Variants in MYO18B observed in about 807,000 individuals in gnomAD.
MYO18B encodes myosin XVIIIB, also known as unconventional myosin-XVIIIb.
In MYO18B, 204 loss-of-function variants were observed where a neutral mutation model predicts 273.0. The ratio of observed to expected loss-of-function variants is 0.75; its 90% CI spans 0.67 to 0.84. The LOEUF (loss-of-function observed/expected upper bound fraction) is 0.84. Among genes scored for constraint, MYO18B ranks in the 40% least tolerant of loss-of-function variants. The pLI is 0.00. For missense variants in MYO18B, 3,212 were observed against 3,287.6 expected, an observed-to-expected ratio of 0.98 and a Z score of 0.56; for synonymous variants, 1,330 against 1,305.7, an observed-to-expected ratio of 1.02 and a Z score of -0.40.
intron 6 of MYO18B, among the ~76,000 whole-genome samples, chr22:25,771,887 G>T (rs141302076): frequency 0.01 from 1,547 of 152,332 alleles, 17 homozygotes; most frequent in Middle Eastern, 0.054. Flanking sequence ...GACCAGTGAG[G>T]TGGTTTGGCC....
chr22:25,890,849 G>T lies in MYO18B; in HGVS notation c.4408G>T (p.Ala1470Ser). The change falls in exon 26 of 44, where the codon GCC becomes TCC. Residue 1470 changes from alanine to serine, a missense_variant. Coordinates refer to ENST00000335473, the MANE Select transcript of MYO18B (RefSeq NM_032608.7). ...GAGTGAGCGGGCAGAGCGGCTACAG[G>T]CCTTCCGGGAGGTCCAGGAGCTCAA... ...LESERAERLQAFREVQELKSK... is the reference protein window; with the variant it reads ...LESERAERLQSFREVQELKSK... The T allele has an allele frequency of 6.2e-7, 1 of 1,613,894 alleles. No individual in the cohort carries two copies. The highest frequency in any genetic ancestry group is 8.5e-7 in the Non-Finnish European group (1 of 1,179,872).
chr22:26,045,802 A>T, the MYO18B span, among the ~76,000 whole-genome samples: 782 of 152,382 alleles, frequency 5.1e-3, 6 homozygotes, highest in African/African-American at 0.016. Flanking sequence ...GGTCCCAGCG[A>T]AGACCAGCAG....
At position 25,836,770 on chromosome 22, in the gene MYO18B, G is replaced by A. The variant is rs866031151; in HGVS notation, c.3208+1327G>A. Among the ~76,000 whole-genome samples, 7 of 152,146 alleles carry A rather than the reference G, an allele frequency of 4.6e-5. No homozygotes were observed. In the South Asian group the frequency reaches 1.5e-3, roughly 32 times the overall value. ...GAGGTCAGGAGTTTGAGACCAGCAT[G>A]GCCAACGTGGTGAAACCCCATCTCT... On this transcript the variant is annotated intron_variant, in intron 17 of 43. Transcript: ENST00000335473.
At chr22:25,998,424 T>C (rs974327331) in intron 40 of MYO18B, among the ~76,000 whole-genome samples, 12 of 152,166 alleles carry the variant, frequency 7.9e-5, no homozygotes, top group African/African-American at 2.9e-4. Flanking sequence ...TGCTCTTGGG[T>C]CGGCTGAAAG....
intron 34 of MYO18B, 72 bp downstream of exon 34, chr22:25,921,481 T>C: frequency 6.6e-7 from 1 of 1,520,998 alleles, no homozygotes; most frequent in South Asian, 1.3e-5. Context: ...TTGCTGTCCC[T>C]CCCAGGTATG....
intron 19 of MYO18B, 95 bp from the exon 20 acceptor site, chr22:25,847,335 C>T (rs2146021580): frequency 1.7e-6 from 2 of 1,159,274 alleles, no homozygotes; most frequent in African/African-American, 3.1e-5. Flanking sequence ...CCCAAAGATG[C>T]TCAGGTTGGG....
intron 31 of MYO18B, among the ~76,000 whole-genome samples, chr22:25,904,416 A>T (rs2091999179): frequency 6.6e-6 from 1 of 152,156 alleles, no homozygotes; most frequent in African/African-American, 2.4e-5. Context: ...TCTTAGTATT[A>T]TCCCCACTTT....
At chr22:25,982,226 C>T (rs2093156392) in intron 39 of MYO18B, among the ~76,000 whole-genome samples, 1 of 152,140 alleles carries the variant, frequency 6.6e-6, no homozygotes, top group African/African-American at 2.4e-5. Flanking sequence ...GACACAGATC[C>T]AAACCACATC....
chr22:25,777,950 C>T (rs1252172295), intron 8 of MYO18B, among the ~76,000 whole-genome samples, 169 bp downstream of exon 8: 1 of 152,186 alleles, frequency 6.6e-6, no homozygotes, highest in Non-Finnish European at 1.5e-5. Context: ...CATTGGGATG[C>T]ATTTGTTGAA....
At chr22:25,926,641 T>A (rs2092425604) in intron 34 of MYO18B, among the ~76,000 whole-genome samples, 3 of 152,214 alleles carry the variant, frequency 2.0e-5, no homozygotes, top group Admixed American at 2.0e-4. Context: ...TGTGTTCGAA[T>A]GCACATGTTA....
intron 33 of MYO18B, among the ~76,000 whole-genome samples, chr22:25,920,620 A>G (rs571263107): frequency 6.6e-6 from 1 of 152,362 alleles, no homozygotes; most frequent in East Asian, 1.9e-4. Context: ...TTGTCCTCCA[A>G]CTGGAAAAGA....
At chr22:26,000,081 T>C (rs1933806444) in intron 40 of MYO18B, among the ~76,000 whole-genome samples, 1 of 152,216 alleles carries the variant, frequency 6.6e-6, no homozygotes, top group Non-Finnish European at 1.5e-5. Flanking sequence ...ATCTGCCCTT[T>C]GGGCCCCTGC....
intron 1 of MYO18B, among the ~76,000 whole-genome samples, chr22:25,755,450 C>T (rs545017094): frequency 1.3e-5 from 2 of 152,366 alleles, no homozygotes; most frequent in African/African-American, 2.4e-5. Flanking sequence ...AGGTGATCCG[C>T]CTGCCTCGGC....
chr22:25,952,178 G>A (rs1282277698), intron 37 of MYO18B, 108 bp from the exon 38 acceptor site: 3 of 1,212,806 alleles, frequency 2.5e-6, no homozygotes, highest in Non-Finnish European at 3.5e-6. Flanking sequence ...AGTAGAGAAG[G>A]AGGTGGTGTG....
intron 1 of MYO18B, among the ~76,000 whole-genome samples, chr22:25,759,758 CAA>C (rs2086243036): frequency 6.6e-6 from 1 of 152,132 alleles, no homozygotes; most frequent in African/African-American, 2.4e-5. Flanking sequence ...CAAGTAAAAA[CAA>C]TGCTTGCTAA....
At position 25,868,321 on chromosome 22, in the gene MYO18B, C is replaced by T. The variant is rs1320664432; in HGVS notation, c.3887C>T (p.Ala1296Val). 6.2e-7 allele frequency: 1 copy of T among 1,600,506 alleles called. No individual in the cohort carries two copies. The highest frequency in any genetic ancestry group is 8.5e-7 in the Non-Finnish European group (1 of 1,173,506). Residue 1296 changes from alanine (A) to valine (V), a missense_variant and splice_region_variant, in exon 22 of 44, where the codon GCC (alanine) becomes GTC (valine). Physicochemically the swap from Ala to Val is moderately conservative, Grantham distance 64. Coordinates refer to ENST00000335473, the MANE Select transcript of MYO18B (RefSeq NM_032608.7). The stretch of plus-strand genomic sequence containing the variant: ...ACTTCTCTCTAATTTTTTCCCCAGG[C>T]CGTGGAGGAGCTCCTGGAGACCCTG... ...STSEGIDERKAVEELLETLDL... is the reference protein window; with the variant it reads ...STSEGIDERKVVEELLETLDL...
chr22:26,033,989 T>C (rs1337012568), downstream of MYO18B, among the ~76,000 whole-genome samples: 1 of 151,860 alleles, frequency 6.6e-6, no homozygotes, highest in South Asian at 2.1e-4. Context: ...GTTTTGCTCT[T>C]GTCACCCAGG....
chr22:25,982,276 C>T (rs2093156851), intron 39 of MYO18B, among the ~76,000 whole-genome samples: 1 of 152,110 alleles, frequency 6.6e-6, no homozygotes, highest in Non-Finnish European at 1.5e-5. Context: ...GCCTTCCTGC[C>T]AACAGCTAGT....
At chr22:25,852,397 A>G (rs1446512429) in intron 21 of MYO18B, among the ~76,000 whole-genome samples, 3 of 151,240 alleles carry the variant, frequency 2.0e-5, no homozygotes, top group Non-Finnish European at 4.4e-5. Context: ...TGTTGAGTTA[A>G]TGAATGAATG....
Sources: gnomAD v4.1 joint callset for allele counts (sites outside exome capture counted in the v4.1 genomes callset) on GRCh38, gnomAD v4.1.1 for gene constraint, MANE v1.5 for transcripts, NCBI Gene and HGNC (gene_info 2026-07-23, HGNC 2026-07-21) for gene names.